The following ADCY8 variants were observed in gnomAD, a reference collection of about 807,000 sequenced individuals.
ADCY8 encodes the protein adenylate cyclase type 8.
ADCY8 carries 51 observed loss-of-function variants against 119.7 expected under a neutral mutation model. That is an observed-to-expected ratio of 0.43 (90% CI 0.34 to 0.54). The LOEUF (loss-of-function observed/expected upper bound fraction) is 0.54, where lower values mean the gene tolerates loss of function less well. Ranked by LOEUF, ADCY8 falls within the 20% of genes least tolerant of loss-of-function variation. ADCY8 has a pLI of 0.03. For missense variants in ADCY8, 1,383 were observed against 1,598.8 expected (o/e 0.87, Z 2.30); for synonymous variants, 665 against 651.0 (o/e 1.02, Z -0.33).
At chr8:130,941,053 G>A (rs1820940225) in intron 4 of ADCY8, among the ~76,000 whole-genome samples, 1 of 152,102 alleles carries the variant, frequency 6.6e-6, no homozygotes. Context: ...GACTCTCAAA[G>A]CAAAAACATT....
chr8:130,861,901 T>C (rs1194128545), intron 9 of ADCY8, among the ~76,000 whole-genome samples: 1 of 152,176 alleles, frequency 6.6e-6, no homozygotes, highest in African/African-American at 2.4e-5. Flanking sequence ...CGTTGAAGTT[T>C]ATCCAATGCA....
chr8:130,943,497 G>GGGGGGGGGGCCCC, intron 3 of ADCY8, 35 bp from the exon 4 acceptor site: 15 of 491,302 alleles, frequency 3.1e-5, no homozygotes, highest in East Asian at 1.1e-4. Flanking sequence ...GTGGGGGGAG[G>GGGGGGGGGGCCCC]AAGTATATTA....
chr8:130,994,663 T>C (rs770232085), intron 1 of ADCY8, among the ~76,000 whole-genome samples: 4 of 152,236 alleles, frequency 2.6e-5, no homozygotes, highest in Non-Finnish European at 5.9e-5. Context: ...GAAAAATCTC[T>C]CGTATTGCTT....
At chr8:130,932,096 A>G (rs1320664205) in intron 5 of ADCY8, among the ~76,000 whole-genome samples, 1 of 152,216 alleles carries the variant, frequency 6.6e-6, no homozygotes, top group Admixed American at 6.5e-5. Context: ...CTGGGAAAGC[A>G]CTACGGCAGG....
intron 7 of ADCY8, among the ~76,000 whole-genome samples, chr8:130,891,502 C>T (rs6415521): frequency 0.47 from 71,322 of 151,906 alleles, 18,298 homozygotes; most frequent in East Asian, 0.62. Flanking sequence ...ATTAGATTAA[C>T]CTAGTTAATA....
chr8:131,022,128 TTTA>T (rs1452768388), intron 1 of ADCY8, among the ~76,000 whole-genome samples: 1 of 152,186 alleles, frequency 6.6e-6, no homozygotes, highest in African/African-American at 2.4e-5. Context: ...ATCTGTTTTT[TTTA>T]TTATTATTAT....
At chr8:130,999,288 T>C (rs908058339) in intron 1 of ADCY8, among the ~76,000 whole-genome samples, 7 of 152,210 alleles carry the variant, frequency 4.6e-5, no homozygotes, top group African/African-American at 1.7e-4. Flanking sequence ...AAGTCCTCTA[T>C]GAATTCTTCT....
intron 2 of ADCY8, among the ~76,000 whole-genome samples, chr8:130,968,058 A>G (rs1384139166): frequency 1.3e-5 from 2 of 152,192 alleles, no homozygotes; most frequent in East Asian, 3.8e-4. Context: ...TGCCATGGGC[A>G]TGGGCAGGTG....
chr8:130,976,027 A>T (rs114667574), intron 2 of ADCY8, among the ~76,000 whole-genome samples: 1 of 151,504 alleles, frequency 6.6e-6, no homozygotes, highest in Non-Finnish European at 1.5e-5. Flanking sequence ...GCTAAAAAAA[A>T]CCACCACCTA....
intron 1 of ADCY8, among the ~76,000 whole-genome samples, chr8:131,038,700 C>T (rs1824245999): frequency 2.0e-5 from 3 of 152,150 alleles, no homozygotes; most frequent in African/African-American, 4.8e-5. Context: ...GCATTCTTTG[C>T]CACCCCCAAT....
intron 6 of ADCY8, among the ~76,000 whole-genome samples, chr8:130,908,058 G>A (rs1444368765): frequency 6.6e-6 from 1 of 152,192 alleles, no homozygotes; most frequent in Non-Finnish European, 1.5e-5. Context: ...CCATGTTGCT[G>A]CAAAGGACAT....
intron 7 of ADCY8, among the ~76,000 whole-genome samples, chr8:130,900,598 T>C (rs1586551197): frequency 6.6e-6 from 1 of 152,232 alleles, no homozygotes; most frequent in African/African-American, 2.4e-5. Context: ...CTTCTTAAAA[T>C]GCCATACTCT....
chr8:130,830,769 C>A (rs1208827810), intron 12 of ADCY8, among the ~76,000 whole-genome samples: 3 of 152,202 alleles, frequency 2.0e-5, no homozygotes, highest in Non-Finnish European at 4.4e-5. Context: ...TTAGGACCAG[C>A]AAAACTGATG....
In ADCY8 at chr8:130,903,088, G is replaced by C. The variant is rs1478499500; in HGVS notation, c.1911+684C>G. 3.3e-5 allele frequency among the ~76,000 whole-genome samples: 5 copies of C among 152,082 alleles called. No individual in the cohort carries two copies. In the East Asian group the frequency reaches 9.7e-4, roughly 29 times the overall value. On this transcript the variant is annotated intron_variant, in intron 7 of 17. Coordinates refer to ENST00000286355, the MANE Select transcript of ADCY8 (RefSeq NM_001115.3). ...CTCAGTTCTCTAAGTGCCTCTTGGA[G>C]TCTGAGCATCTCATTGGGTTTACTG...
intron 2 of ADCY8, among the ~76,000 whole-genome samples, chr8:130,960,451 T>TATGACTC (rs113154953): frequency 0.78 from 119,214 of 152,012 alleles, 50,152 homozygotes; most frequent in East Asian, 0.95. Context: ...GAAACCTATT[T>TATGACTC]ATCCTGGGAA....
intron 2 of ADCY8, among the ~76,000 whole-genome samples, chr8:130,962,232 C>T (rs950510308): frequency 5.9e-5 from 9 of 152,186 alleles, no homozygotes; most frequent in African/African-American, 2.2e-4. Flanking sequence ...TTTTGTTTCC[C>T]TCACATTTGT....
Position 131,040,439 on chromosome 8 carries a change from T to C in ADCY8, c.-106A>G. 2 of 1,342,180 alleles carry C rather than the reference T, an allele frequency of 1.5e-6. No homozygotes were observed. Among genetic ancestry groups the C allele is most frequent in the Non-Finnish European group, 9.6e-7 (1 of 1,039,546 alleles). The allele number at this position is 1,342,180 out of a possible 1,614,324, so 83.1% of individuals were successfully genotyped here. A position where few individuals can be genotyped will look rare whatever the true frequency, so the allele number is the denominator to read the frequency against. ...TGGTAGGAGCTTGGCAAGGATCCTTTTTATCCTAGGCTGCCCCGTTGCAGG... is the reference window on the plus strand; with the variant it reads ...TGGTAGGAGCTTGGCAAGGATCCTTCTTATCCTAGGCTGCCCCGTTGCAGG... On this transcript the variant is annotated 5_prime_UTR_variant, in exon 1 of 18. Coordinates refer to ENST00000286355, the MANE Select transcript of ADCY8 (RefSeq NM_001115.3).
chr8:130,996,392 A>G (rs1394021225), intron 1 of ADCY8, among the ~76,000 whole-genome samples: 1 of 152,108 alleles, frequency 6.6e-6, no homozygotes, highest in Non-Finnish European at 1.5e-5. Flanking sequence ...AATTTTTAAC[A>G]AAAGAGATTA....
intron 12 of ADCY8, among the ~76,000 whole-genome samples, chr8:130,824,390 T>A (rs2130214095): frequency 6.6e-6 from 1 of 152,310 alleles, no homozygotes; most frequent in African/African-American, 2.4e-5. Flanking sequence ...AAAATTTAAC[T>A]TAATTAGCTA....
Sources: gnomAD v4.1 joint callset for allele counts (sites outside exome capture counted in the v4.1 genomes callset) on GRCh38, gnomAD v4.1.1 for gene constraint, MANE v1.5 for transcripts, NCBI Gene and HGNC (gene_info 2026-07-23, HGNC 2026-07-21) for gene names.